GPC5: variants seen among roughly 807,000 people sequenced by gnomAD.
GPC5 encodes the protein glypican 5.
Under a neutral mutation model 53.9 loss-of-function variants are expected in GPC5, and 47 were observed. The ratio of observed to expected loss-of-function variants is 0.87; its 90% CI spans 0.69 to 1.11. GPC5 has a LOEUF of 1.11. Among genes scored for constraint, GPC5 ranks in the 50% most tolerant of loss-of-function variants. GPC5 has a pLI of 0.00. For synonymous variants in GPC5, 286 were observed against 263.3 expected (o/e 1.09, Z -0.84); for missense variants, 748 against 713.1 (o/e 1.05, Z -0.56).
intron 7 of GPC5, among the ~76,000 whole-genome samples, chr13:92,449,663 G>A (rs1336161373): frequency 6.6e-6 from 1 of 152,048 alleles, no homozygotes; most frequent in Non-Finnish European, 1.5e-5. Flanking sequence ...GTGAAATAGG[G>A]CAAAATGCCA....
rs1169911890 is a variant in GPC5 at position 91,689,184 on chromosome 13, AATATATATATATATATATATATATATAT to A, written c.326-3983_326-3956del. Among the ~76,000 whole-genome samples, 59 of 49,594 alleles carry A rather than the reference AATATATATATATATATATATATATATAT, an allele frequency of 1.2e-3. 4 individuals are homozygous for A. Among genetic ancestry groups the A allele is most frequent in the Admixed American group, 7.2e-3 (21 of 2,920 alleles). 32.5% of individuals were successfully genotyped at this position (49,594 alleles called of 152,430 possible). A position where few individuals can be genotyped will look rare whatever the true frequency, so the allele number is the denominator to read the frequency against. ...ATGTTGTCTCAAAAAATCATATATAAATATATATATATATATATATATATATATATATATATATATATATATACACATA... is the reference window on the plus strand; with the variant it reads ...ATGTTGTCTCAAAAAATCATATATAAATATATATATATATATATACACATA... On this transcript the variant is annotated intron_variant, in intron 2 of 7. Transcript: ENST00000377067.
At chr13:91,710,814 C>A (rs1400278256) in intron 3 of GPC5, among the ~76,000 whole-genome samples, 4 of 151,978 alleles carry the variant, frequency 2.6e-5, no homozygotes, top group African/African-American at 9.7e-5. Context: ...TTTTGTAGTT[C>A]ACTCATGTTC....
At chr13:91,957,030 T>G (rs548197052) in intron 6 of GPC5, among the ~76,000 whole-genome samples, 9 of 151,834 alleles carry the variant, frequency 5.9e-5, no homozygotes, top group Non-Finnish European at 1.2e-4. Flanking sequence ...TGATATTAAA[T>G]AAGCACAGTG....
At chr13:92,228,387 C>T (rs2042504559) in intron 7 of GPC5, among the ~76,000 whole-genome samples, 1 of 151,864 alleles carries the variant, frequency 6.6e-6, no homozygotes, top group South Asian at 2.1e-4. Flanking sequence ...AAGGTAAAGT[C>T]ACATAAACAT....
intron 2 of GPC5, among the ~76,000 whole-genome samples, chr13:91,574,034 A>G (rs2032042962): frequency 6.6e-6 from 1 of 152,186 alleles, no homozygotes; most frequent in Non-Finnish European, 1.5e-5. Context: ...AAAAGATGAC[A>G]TTTATCACCA....
intron 4 of GPC5, among the ~76,000 whole-genome samples, chr13:91,733,591 T>C (rs1242586271): frequency 2.6e-5 from 4 of 152,218 alleles, no homozygotes; most frequent in East Asian, 1.9e-4. Flanking sequence ...TTTGTAGCAA[T>C]TGTGAATGGG....
At chr13:92,597,176 C>T (rs961729929) in intron 7 of GPC5, among the ~76,000 whole-genome samples, 1 of 152,156 alleles carries the variant, frequency 6.6e-6, no homozygotes, top group Admixed American at 6.5e-5. Context: ...AGGAATTTGG[C>T]ATCTGCCTTT....
At chr13:92,441,974 A>G (rs1877589786) in intron 7 of GPC5, among the ~76,000 whole-genome samples, 1 of 152,248 alleles carries the variant, frequency 6.6e-6, no homozygotes, top group African/African-American at 2.4e-5. Context: ...ATACTTGGCT[A>G]TGAAAAGTAC....
intron 7 of GPC5, among the ~76,000 whole-genome samples, chr13:92,377,369 A>C (rs7329163): frequency 0.59 from 90,169 of 152,068 alleles, 26,957 homozygotes; most frequent in East Asian, 0.7. Flanking sequence ...CTAGGATTGG[A>C]AGGCCTAGAT....
intron 7 of GPC5, among the ~76,000 whole-genome samples, chr13:92,632,165 A>G (rs1164092192): frequency 1.3e-5 from 2 of 152,164 alleles, no homozygotes; most frequent in African/African-American, 4.8e-5. Flanking sequence ...TTGAAATTAA[A>G]TAAAATTATG....
At position 91,797,781 on chromosome 13, in the gene GPC5, G is replaced by A. The variant is rs1244333943; in HGVS notation, c.1280+41361G>A. Among the ~76,000 whole-genome samples the A allele has an allele frequency of 3.3e-5, 5 of 152,154 alleles. No individual in the cohort carries two copies. In the East Asian group the frequency reaches 9.7e-4, roughly 29 times the overall value. ...GACGGTGAGGCAGAGCAGGCGTCGT[G>A]CTGACAGCTGAGATGCTTGTGATAC... On this transcript the variant is annotated intron_variant, in intron 5 of 7. Transcript: ENST00000377067.
intron 7 of GPC5, among the ~76,000 whole-genome samples, chr13:92,267,083 C>A (rs754592297): frequency 2.0e-5 from 3 of 151,932 alleles, no homozygotes; most frequent in Non-Finnish European, 4.4e-5. Flanking sequence ...CTTTCTTCTG[C>A]ACAATTCATT....
At chr13:91,553,920 C>T (rs1173093757) in intron 2 of GPC5, among the ~76,000 whole-genome samples, 2 of 151,954 alleles carry the variant, frequency 1.3e-5, no homozygotes, top group African/African-American at 2.4e-5. Context: ...ATAGTCAAGA[C>T]CAGTGATGTT....
chr13:92,545,284 G>A (rs1882066988), intron 7 of GPC5, among the ~76,000 whole-genome samples: 1 of 152,170 alleles, frequency 6.6e-6, no homozygotes, highest in Non-Finnish European at 1.5e-5. Context: ...ATTCCATGGT[G>A]TATATGTGCC....
chr13:92,623,527 A>G (rs1021974795), intron 7 of GPC5, among the ~76,000 whole-genome samples: 7 of 152,176 alleles, frequency 4.6e-5, no homozygotes, highest in African/African-American at 9.7e-5. Flanking sequence ...TAATTCTTAC[A>G]TTATTAAAAT....
At chr13:92,064,164 T>C (rs1047976749) in intron 6 of GPC5, among the ~76,000 whole-genome samples, 4 of 152,140 alleles carry the variant, frequency 2.6e-5, no homozygotes, top group Non-Finnish European at 4.4e-5. Context: ...GAGTAAAACA[T>C]GTAGCTCTAT....
chr13:92,132,572 T>C lies in GPC5; in HGVS notation c.1402-12258T>C, dbSNP rs1482289456. Among the ~76,000 whole-genome samples the C allele has an allele frequency of 3.3e-5, 5 of 152,156 alleles. 1 individual carries two copies. The East Asian group carries it at 9.6e-4, about 29-fold the overall frequency. On this transcript the variant is annotated intron_variant, in intron 6 of 7. Coordinates refer to ENST00000377067, the MANE Select transcript of GPC5 (RefSeq NM_004466.6). ...CAGGTGTGTCCGCCCAGTCTCTGAC[T>C]ACACGTGGCATATTCTTTGTGTCTC...
chr13:91,783,583 G>A (rs1189897884), intron 5 of GPC5, among the ~76,000 whole-genome samples: 3 of 151,972 alleles, frequency 2.0e-5, no homozygotes, highest in South Asian at 4.1e-4. Context: ...ATAGGCACAT[G>A]CCACCATGCC....
chr13:91,519,517 C>A (rs1039394857), intron 2 of GPC5, among the ~76,000 whole-genome samples: 2 of 152,138 alleles, frequency 1.3e-5, no homozygotes, highest in Non-Finnish European at 2.9e-5. Flanking sequence ...TAACACTCCC[C>A]ACTTCGCTCT....
Sources: allele counts gnomAD v4.1 joint callset (sites outside exome capture counted in the v4.1 genomes callset), GRCh38; gene constraint gnomAD v4.1.1; transcripts MANE v1.5; gene names NCBI Gene and HGNC (gene_info 2026-07-23, HGNC 2026-07-21).